Variants in KAZN observed in about 807,000 individuals in gnomAD.
KAZN encodes the protein kazrin, periplakin interacting protein, also known as kazrin.
Under a neutral mutation model 87.4 loss-of-function variants are expected in KAZN, and 40 were observed. That is an observed-to-expected ratio of 0.46 (90% CI 0.36 to 0.60). KAZN has a LOEUF of 0.60. KAZN is among the 20% of genes least tolerant of loss of function. The pLI, the probability that KAZN is intolerant of heterozygous loss-of-function variation, is 0.00. For missense variants in KAZN, 898 were observed against 1,073.9 expected, an observed-to-expected ratio of 0.84 and a Z score of 2.29; for synonymous variants, 466 against 458.3, an observed-to-expected ratio of 1.02 and a Z score of -0.22.
At chr1:14,917,954 C>T (rs1657999825) in intron 1 of KAZN, among the ~76,000 whole-genome samples, 1 of 152,080 alleles carries the variant, frequency 6.6e-6, no homozygotes, top group Non-Finnish European at 1.5e-5. Context: ...TCTCAGCTCA[C>T]CGCAACCTCT....
At chr1:14,357,050 A>G (rs1659092823) in intron 2 of KAZN, among the ~76,000 whole-genome samples, 1 of 152,104 alleles carries the variant, frequency 6.6e-6, no homozygotes, top group Non-Finnish European at 1.5e-5. Flanking sequence ...GATTCTTCCT[A>G]TCCATGAGCA....
chr1:14,164,958 C>A (rs1033072097), intron 1 of KAZN, among the ~76,000 whole-genome samples: 2 of 152,158 alleles, frequency 1.3e-5, no homozygotes, highest in African/African-American at 4.8e-5. Context: ...TGGAAAGTTG[C>A]GGATCCTCTT....
intron 1 of KAZN, among the ~76,000 whole-genome samples, chr1:14,943,931 G>T (rs2871903): frequency 6.6e-6 from 1 of 152,216 alleles, no homozygotes; most frequent in African/African-American, 2.4e-5. Context: ...CTAATTAGCC[G>T]GGCGTGGTGG....
intron 2 of KAZN, among the ~76,000 whole-genome samples, chr1:14,254,392 G>C (rs564019173): frequency 6.6e-6 from 1 of 152,178 alleles, no homozygotes; most frequent in African/African-American, 2.4e-5. Context: ...TCTCCACGTC[G>C]TTTTGCAGAA....
At chr1:14,399,683 C>A (rs1325612175) in intron 2 of KAZN, among the ~76,000 whole-genome samples, 1 of 152,082 alleles carries the variant, frequency 6.6e-6, no homozygotes, top group Non-Finnish European at 1.5e-5. Flanking sequence ...GCCTGTGTGA[C>A]CCTCTTTTTC....
In KAZN at chr1:14,346,397, A is replaced by G. The variant is rs373088114; in HGVS notation, c.249+165805A>G. 1.4e-4 allele frequency among the ~76,000 whole-genome samples: 21 copies of G among 152,244 alleles called. No individual in the cohort carries two copies. In the East Asian group the frequency reaches 4.1e-3, roughly 29 times the overall value. ...GGACAGAAGCGAATCCCTCTTGCTG[A>G]CCTGTGCCCTCCTTTGCACCGGTGT... is the stretch of plus-strand genomic sequence containing the variant. On this transcript the variant is annotated intron_variant, in intron 2 of 16. Transcript: ENST00000636203.
At chr1:14,611,585 G>C (rs562631290) in intron 1 of KAZN, among the ~76,000 whole-genome samples, 7 of 152,096 alleles carry the variant, frequency 4.6e-5, no homozygotes, top group South Asian at 2.1e-4. Context: ...TACCTGGGGG[G>C]GCTGAGGCAG....
At chr1:14,586,315 C>A (rs527710756) in intron 2 of KAZN, among the ~76,000 whole-genome samples, 1 of 152,146 alleles carries the variant, frequency 6.6e-6, no homozygotes, top group Non-Finnish European at 1.5e-5. Flanking sequence ...ATCAATCAAA[C>A]GCCACAGTTT....
chr1:14,758,141 T>C (rs1210026100), intron 1 of KAZN, among the ~76,000 whole-genome samples: 1 of 149,720 alleles, frequency 6.7e-6, no homozygotes, highest in Non-Finnish European at 1.5e-5. Flanking sequence ...TTTCCTTCCC[T>C]CCTTCCTCCC....
At chr1:14,924,335 C>T in intron 1 of KAZN, 3 of 987,334 alleles carry the variant, frequency 3.0e-6, no homozygotes, top group Non-Finnish European at 3.6e-6. Context: ...CCTCGCGCAG[C>T]CGCTGGTAGC....
chr1:14,746,167 G>A (rs1415053572), intron 1 of KAZN, among the ~76,000 whole-genome samples: 1 of 152,114 alleles, frequency 6.6e-6, no homozygotes, highest in African/African-American at 2.4e-5. Flanking sequence ...TTCTGTGAAT[G>A]CAGTCACTTT....
At position 14,946,707 on chromosome 1, in the gene KAZN, G is replaced by T. The variant is rs139993933; in HGVS notation, c.227-13977G>T. The stretch of plus-strand genomic sequence containing the variant: ...CGTTCACCTACTTCTCCTCTTAGCA[G>T]AATTATTTACATCTGCAGGGACTGT... On this transcript the variant is annotated intron_variant, in intron 1 of 14. Transcript: ENST00000376030. 3.1e-3 allele frequency among the ~76,000 whole-genome samples: 465 copies of T among 152,268 alleles called. 10 individuals are homozygous for T. In the East Asian group the frequency reaches 0.046, roughly 15 times the overall value.
intron 2 of KAZN, among the ~76,000 whole-genome samples, chr1:14,495,351 A>G (rs1669880779): frequency 1.3e-5 from 2 of 152,292 alleles, no homozygotes; most frequent in South Asian, 2.1e-4. Flanking sequence ...GAAAAGCCCT[A>G]GATGAAGGCC....
intron 1 of KAZN, among the ~76,000 whole-genome samples, chr1:14,639,560 G>A (rs893048691): frequency 1.3e-5 from 2 of 152,096 alleles, no homozygotes; most frequent in South Asian, 2.1e-4. Context: ...AGGGTGAGCC[G>A]GGCTTAGAAG....
intron 2 of KAZN, among the ~76,000 whole-genome samples, chr1:14,354,743 A>G (rs754409414): frequency 1.3e-5 from 2 of 152,078 alleles, no homozygotes; most frequent in African/African-American, 2.4e-5. Flanking sequence ...TGGAACACCC[A>G]TATATTGTTG....
chr1:15,049,860 C>T (rs938530526), intron 4 of KAZN, among the ~76,000 whole-genome samples: 1 of 152,062 alleles, frequency 6.6e-6, no homozygotes, highest in East Asian at 1.9e-4. Flanking sequence ...CCCGTCTCTA[C>T]TAAAAATACA....
chr1:14,111,475 A>G (rs1036676833), intron 1 of KAZN, among the ~76,000 whole-genome samples: 2 of 135,468 alleles, frequency 1.5e-5, no homozygotes, highest in African/African-American at 5.7e-5. Flanking sequence ...ACTGAGTACT[A>G]ACGTCAGGCC....
chr1:14,803,318 C>T (rs1646100476), intron 1 of KAZN, among the ~76,000 whole-genome samples: 1 of 152,212 alleles, frequency 6.6e-6, no homozygotes, highest in African/African-American at 2.4e-5. Flanking sequence ...TGACCTGTTT[C>T]TTCACTGCTG....
intron 1 of KAZN, among the ~76,000 whole-genome samples, chr1:14,888,238 C>T (rs1295444807): frequency 6.6e-6 from 1 of 152,212 alleles, no homozygotes; most frequent in Non-Finnish European, 1.5e-5. Flanking sequence ...GCCCGGCCTC[C>T]TTCCTCTCTC....
Sources: gnomAD v4.1 joint callset for allele counts (sites outside exome capture counted in the v4.1 genomes callset) on GRCh38, gnomAD v4.1.1 for gene constraint, MANE v1.5 for transcripts, NCBI Gene and HGNC (gene_info 2026-07-23, HGNC 2026-07-21) for gene names.